Variants in RCBTB2 observed in about 807,000 individuals in gnomAD.
RCBTB2 encodes RCC1 and BTB domain containing protein 2.
RCBTB2 carries 55 observed loss-of-function variants against 65.4 expected under a neutral mutation model. The observed-to-expected ratio is 0.84, with a 90% CI of 0.68 to 1.05. RCBTB2 has a LOEUF of 1.05. Among genes scored for constraint, RCBTB2 ranks in the 50% least tolerant of loss-of-function variants. The probability of loss-of-function intolerance (pLI) is 0.00; values close to 1 mark genes in which losing one functional copy is unlikely to be tolerated. For synonymous variants in RCBTB2, 220 were observed against 255.2 expected (o/e 0.86, Z 1.31); for missense variants, 599 against 680.1 (o/e 0.88, Z 1.33).
At chr13:48,504,183 C>T (rs545091998) in intron 10 of RCBTB2, 5 of 985,458 alleles carry the variant, frequency 5.1e-6, no homozygotes, top group Admixed American at 1.2e-4. Context: ...AACAGCCTCC[C>T]AGGTCTCCCT....
At chr13:48,522,822 G>C (rs1951502360) in intron 2 of RCBTB2, among the ~76,000 whole-genome samples, 1 of 152,092 alleles carries the variant, frequency 6.6e-6, no homozygotes, top group Non-Finnish European at 1.5e-5. Context: ...ATTTTATCTG[G>C]TATTTTCTAC....
In RCBTB2 at chr13:48,522,427, A is replaced by G. The variant is rs116267343; in HGVS notation, c.-119-24T>C. On this transcript the variant is annotated intron_variant, in intron 2 of 14. Transcript: ENST00000344532. ...AGCTGGAAAAAAAAAAGGAGAAATG[A>G]ATGAAAATGATGAAAAAAATGAATG... is the stretch of plus-strand genomic sequence containing the variant. 2,574 of 1,026,424 alleles carry G rather than the reference A, an allele frequency of 2.5e-3. 36 individuals carry two copies. In the African/African-American group the frequency reaches 0.038, roughly 15 times the overall value. The allele number at this position is 1,026,424 out of a possible 1,614,324, so 63.6% of individuals were successfully genotyped here.
chr13:48,497,583 A>G (rs1348826673), intron 13 of RCBTB2, among the ~76,000 whole-genome samples: 3 of 152,216 alleles, frequency 2.0e-5, no homozygotes. Context: ...TCAAAAGGCT[A>G]GCTGAATCCG....
In RCBTB2 at chr13:48,533,053, G is replaced by A. The variant is rs760945817; in HGVS notation, c.-244C>T. 2.2e-6 allele frequency: 1 copy of A among 454,290 alleles called. No homozygotes were observed. The allele number at this position is 454,290 out of a possible 1,614,324, so 28.1% of individuals were successfully genotyped here. Reference sequence around the variant, plus strand: ...CTCCTCGCAGGCCGGAGCCTTGTCCGCTCCGCCTCCTGGGTAGCGGTTACT... The same window carrying A: ...CTCCTCGCAGGCCGGAGCCTTGTCCACTCCGCCTCCTGGGTAGCGGTTACT... On this transcript the variant is annotated 5_prime_UTR_variant, in exon 1 of 15. Coordinates refer to ENST00000344532, the MANE Select transcript of RCBTB2 (RefSeq NM_001268.4).
chr13:48,493,288 T>TCC (rs1949796026), intron 14 of RCBTB2, among the ~76,000 whole-genome samples: 1 of 77,158 alleles, frequency 1.3e-5, no homozygotes, highest in African/African-American at 8.4e-5. Flanking sequence ...TCTCTCTCTC[T>TCC]CCACACACAC....
Position 48,515,674 on chromosome 13 carries a change from C to A in RCBTB2, c.110G>T (p.Cys37Phe). ...AATTAACTGTAGTTCTTCTTCAGAACAAAGGGAAAAAATTGGCCACTTTCC... is the reference window on the plus strand; with the variant it reads ...AATTAACTGTAGTTCTTCTTCAGAAAAAAGGGAAAAAATTGGCCACTTTCC... ...DVGKWPIFSL[C>F]SEEELQLIRQ... is the part of the protein sequence containing the mutation. Residue 37 changes from cysteine (C) to phenylalanine (F), a missense_variant, in exon 5 of 15, where the codon TGT becomes TTT. Transcript: ENST00000344532. The A allele has an allele frequency of 1.2e-6, 2 of 1,613,848 alleles. No individual in the cohort carries two copies. The highest frequency in any genetic ancestry group is 1.7e-6 in the Non-Finnish European group (2 of 1,179,886).
chr13:48,501,744 A>G lies in RCBTB2; in HGVS notation c.1242T>C (p.Ile414=), dbSNP rs1950244617. The part of the protein sequence containing the change: ...YIYAHKVLLK[I]RCEHFRSSLE... ...TTCTCAAATAAATGATTCCTTACCG[A>G]ATCTTGAGAAGGACTTTATGTGCAT... Residue 414 remains isoleucine (I), a splice_region_variant and synonymous_variant, in exon 12 of 15, where the codon ATT becomes ATC. Transcript: ENST00000344532. 5 of 1,610,118 alleles carry G rather than the reference A, an allele frequency of 3.1e-6. No homozygotes were observed. Among genetic ancestry groups the G allele is most frequent in the Non-Finnish European group, 4.2e-6 (5 of 1,177,122 alleles).
chr13:48,492,756 C>T (rs1467244007), intron 14 of RCBTB2, among the ~76,000 whole-genome samples: 3 of 152,216 alleles, frequency 2.0e-5, no homozygotes, highest in African/African-American at 7.2e-5. Context: ...CCTCTTCAGT[C>T]TCCTTTGCTG....
Position 48,510,720 on chromosome 13 carries a change from A to G in RCBTB2, c.835T>C (p.Tyr279His). 1 of 1,614,184 alleles carries G rather than the reference A, an allele frequency of 6.2e-7. No individual in the cohort carries two copies. The highest frequency in any genetic ancestry group is 8.5e-7 in the Non-Finnish European group (1 of 1,180,034). ...CCATAAGAATTGGCGCCCCAAGCAT[A>G]CACTTGGCCTTCATCTGTTAATACT... The part of the protein sequence containing the change: ...TLVLTDEGQV[Y>H]AWGANSYGQL... Residue 279 changes from tyrosine to histidine, a missense_variant, in exon 10 of 15, where the codon TAT becomes CAT. Physicochemically the swap from Tyr to His is moderately conservative, Grantham distance 83. Transcript: ENST00000344532.
At chr13:48,520,312 T>C (rs1195435826) in intron 4 of RCBTB2, among the ~76,000 whole-genome samples, 1 of 152,124 alleles carries the variant, frequency 6.6e-6, no homozygotes, top group African/African-American at 2.4e-5. Context: ...ATCAACTCCG[T>C]GCCCAACTGT....
chr13:48,521,656 TC>T (rs35929216), intron 4 of RCBTB2, among the ~76,000 whole-genome samples: 4,137 of 152,310 alleles, frequency 0.027, 171 homozygotes, highest in African/African-American at 0.09. Flanking sequence ...GCCTCATCTG[TC>T]ACTGTCACCA....
intron 1 of RCBTB2, 42 bp from the exon 2 acceptor site, chr13:48,524,799 C>G (rs1256872357): frequency 6.6e-6 from 1 of 152,000 alleles, no homozygotes; most frequent in Non-Finnish European, 1.5e-5. Flanking sequence ...TAGAGAAAAA[C>G]AGAAGGAAAA....
In RCBTB2 at chr13:48,521,950, TCCTGGGCAGTC is replaced by T; in HGVS notation, c.-22_-12del. ...AAGTTCTTCTTCCATATGGACTCAG[TCCTGGGCAGTC>T]CCTGAGGAAAAAGTATGTGGTAAAA... On this transcript the variant is annotated splice_region_variant and 5_prime_UTR_variant, in exon 4 of 15. It introduces an in-frame stop codon into an upstream open reading frame of the 5' UTR. Coordinates refer to ENST00000344532, the MANE Select transcript of RCBTB2 (RefSeq NM_001268.4). 1 of 1,613,604 alleles carries T rather than the reference TCCTGGGCAGTC, an allele frequency of 6.2e-7. No individual in the cohort carries two copies. Among genetic ancestry groups the T allele is most frequent in the Non-Finnish European group, 8.5e-7 (1 of 1,179,752 alleles).
At chr13:48,526,550 A>AT (rs950359448) in intron 1 of RCBTB2, among the ~76,000 whole-genome samples, 9 of 151,850 alleles carry the variant, frequency 5.9e-5, no homozygotes, top group Admixed American at 3.9e-4. Flanking sequence ...AAAATAAATA[A>AT]TTTTTTTAAT....
At chr13:48,533,140 G>C (rs1952277004), upstream of RCBTB2, 3 of 400,344 alleles carry the variant, frequency 7.5e-6, no homozygotes, top group African/African-American at 2.1e-5. Flanking sequence ...GCCCGGCCTC[G>C]GCGGGATGCG....
Position 48,502,723 on chromosome 13 carries a change from C to G in RCBTB2, c.1117+1G>C, listed in dbSNP as rs372907752. 7.5e-6 allele frequency: 12 copies of G among 1,608,098 alleles called. 1 individual carries two copies. The South Asian group carries it at 1.2e-4, about 16-fold the overall frequency. ...CCCCAAATGGACAGTGACCAGCTTA[C>G]CCACGGAGAGGAGGCGCCACGTGAC... On this transcript the variant is annotated splice_donor_variant, in intron 11 of 14. Transcript: ENST00000344532. LOFTEE classifies it high-confidence loss of function.
chr13:48,506,016 T>A (rs1454499325), intron 10 of RCBTB2, among the ~76,000 whole-genome samples: 1 of 152,230 alleles, frequency 6.6e-6, no homozygotes, highest in Non-Finnish European at 1.5e-5. Context: ...TGGCCCTGAC[T>A]ACAAGTCTCC....
intron 4 of RCBTB2, among the ~76,000 whole-genome samples, chr13:48,518,468 A>AT (rs1448814503): frequency 8.9e-5 from 12 of 134,252 alleles, no homozygotes; most frequent in Non-Finnish European, 1.2e-4. Context: ...CAAAAAAAAA[A>AT]AAAAATATAT....
chr13:48,516,220 A>C (rs1951080117), intron 4 of RCBTB2, among the ~76,000 whole-genome samples: 2 of 152,314 alleles, frequency 1.3e-5, no homozygotes, highest in South Asian at 4.1e-4. Flanking sequence ...GTTCATGGGC[A>C]AGCTTTACTT....
Sources: allele counts gnomAD v4.1 joint callset (sites outside exome capture counted in the v4.1 genomes callset), GRCh38; gene constraint gnomAD v4.1.1; transcripts MANE v1.5; gene names NCBI Gene and HGNC (gene_info 2026-07-23, HGNC 2026-07-21).